Variants in GRM1 observed in about 807,000 individuals in gnomAD.
GRM1 encodes glutamate metabotropic receptor 1.
Under a neutral mutation model 90.9 loss-of-function variants are expected in GRM1, and 33 were observed. The ratio of observed to expected loss-of-function variants is 0.36; its 90% CI spans 0.28 to 0.49. The LOEUF is 0.49. Among genes scored for constraint, GRM1 ranks in the 20% least tolerant of loss-of-function variants. GRM1 has a pLI of 0.99. For missense variants in GRM1, 1,190 were observed against 1,534.3 expected (o/e 0.78, Z 3.75); for synonymous variants, 700 against 613.2 (o/e 1.14, Z -2.09).
intron 1 of GRM1, among the ~76,000 whole-genome samples, chr6:146,061,384 C>A (rs562305850): frequency 2.6e-5 from 4 of 152,082 alleles, no homozygotes; most frequent in Non-Finnish European, 5.9e-5. Flanking sequence ...TCTGTGTTTG[C>A]ACATTGATTT....
intron 1 of GRM1, among the ~76,000 whole-genome samples, chr6:146,046,795 C>T (rs1225655947): frequency 6.6e-6 from 1 of 151,844 alleles, no homozygotes; most frequent in Non-Finnish European, 1.5e-5. Context: ...TATGGGTACC[C>T]TGCAGTTCTT....
intron 2 of GRM1, among the ~76,000 whole-genome samples, chr6:146,300,464 T>G (rs1387416796): frequency 1.3e-5 from 2 of 152,346 alleles, no homozygotes; most frequent in East Asian, 1.9e-4. Context: ...ATGTGAAATT[T>G]TATAGGTTGA....
chr6:146,165,373 G>T (rs1036547711), intron 2 of GRM1, among the ~76,000 whole-genome samples: 1 of 151,930 alleles, frequency 6.6e-6, no homozygotes, highest in East Asian at 1.9e-4. Context: ...TAAAATATGA[G>T]TTATTTTAGT....
intron 4 of GRM1, among the ~76,000 whole-genome samples, 199 bp from the exon 5 acceptor site, chr6:146,357,327 A>G (rs1785622653): frequency 6.6e-6 from 1 of 152,256 alleles, no homozygotes; most frequent in African/African-American, 2.4e-5. Flanking sequence ...AATATGGATG[A>G]TACACAGAGA....
chr6:146,185,718 C>T (rs941055508), intron 2 of GRM1, among the ~76,000 whole-genome samples: 1 of 152,130 alleles, frequency 6.6e-6, no homozygotes, highest in African/African-American at 2.4e-5. Context: ...TTCCAATCAG[C>T]GTTTGATGCT....
At chr6:146,302,068 T>G (rs1783405422) in intron 2 of GRM1, among the ~76,000 whole-genome samples, 1 of 151,852 alleles carries the variant, frequency 6.6e-6, no homozygotes, top group East Asian at 1.9e-4. Flanking sequence ...ATGCCATACT[T>G]CTTTCTATTC....
At chr6:146,036,040 A>G (rs980911166) in intron 1 of GRM1, among the ~76,000 whole-genome samples, 3 of 151,916 alleles carry the variant, frequency 2.0e-5, no homozygotes, top group African/African-American at 7.2e-5. Context: ...CTTCCATTTT[A>G]TGTTTCTACC....
chr6:146,161,006 A>C (rs1382818794), intron 2 of GRM1, among the ~76,000 whole-genome samples: 13 of 152,132 alleles, frequency 8.5e-5, no homozygotes, highest in Non-Finnish European at 1.3e-4. Flanking sequence ...TTAAATAAGA[A>C]ATGTTATTTC....
chr6:146,054,889 C>T (rs1775424344), intron 1 of GRM1, among the ~76,000 whole-genome samples: 1 of 151,800 alleles, frequency 6.6e-6, no homozygotes, highest in Non-Finnish European at 1.5e-5. Context: ...CGACAGTTGT[C>T]TCTCTTATCT....
At chr6:146,235,206 CTT>C (rs1191764347) in intron 2 of GRM1, among the ~76,000 whole-genome samples, 1 of 152,134 alleles carries the variant, frequency 6.6e-6, no homozygotes, top group Non-Finnish European at 1.5e-5. Context: ...AAAATTCTCA[CTT>C]GACCATTTTT....
At chr6:146,334,971 C>T (rs1784718496) in intron 3 of GRM1, among the ~76,000 whole-genome samples, 1 of 151,950 alleles carries the variant, frequency 6.6e-6, no homozygotes, top group African/African-American at 2.4e-5. Flanking sequence ...TGGATTTTTT[C>T]CCTTTGAAAT....
chr6:146,235,584 TTG>T (rs1182667909), intron 2 of GRM1, among the ~76,000 whole-genome samples: 5 of 152,152 alleles, frequency 3.3e-5, no homozygotes, highest in Admixed American at 3.3e-4. Flanking sequence ...TTTTTCTTCC[TTG>T]TGTTCAGTTT....
chr6:146,239,980 G>T (rs1251505624), intron 2 of GRM1, among the ~76,000 whole-genome samples: 1 of 152,120 alleles, frequency 6.6e-6, no homozygotes, highest in Admixed American at 6.6e-5. Context: ...ATCAAGTGCT[G>T]TCTGACTGTA....
chr6:146,115,453 A>G (rs200151894), intron 1 of GRM1, among the ~76,000 whole-genome samples: 1 of 152,244 alleles, frequency 6.6e-6, no homozygotes. Context: ...ATGCACTACC[A>G]TTCTTTATTC....
intron 7 of GRM1, among the ~76,000 whole-genome samples, chr6:146,426,138 AT>A (rs1312772357): frequency 3.3e-5 from 5 of 152,350 alleles, no homozygotes; most frequent in African/African-American, 1.2e-4. Flanking sequence ...ATGCAGGAAA[AT>A]TAACAGTGCA....
At chr6:146,096,269 C>T (rs1704373305) in intron 1 of GRM1, among the ~76,000 whole-genome samples, 1 of 152,120 alleles carries the variant, frequency 6.6e-6, no homozygotes, top group African/African-American at 2.4e-5. Flanking sequence ...ATGCTATCAC[C>T]ATTCTTCTTA....
chr6:146,248,155 C>T (rs575725906), intron 2 of GRM1, among the ~76,000 whole-genome samples: 8 of 152,084 alleles, frequency 5.3e-5, no homozygotes, highest in Admixed American at 4.6e-4. Flanking sequence ...TCCTTTTCTT[C>T]TTTCGTTCCT....
intron 2 of GRM1, among the ~76,000 whole-genome samples, chr6:146,199,876 G>C (rs1255378467): frequency 5.9e-5 from 9 of 152,120 alleles, no homozygotes; most frequent in Non-Finnish European, 1.3e-4. Flanking sequence ...AATTAGCTGG[G>C]CATGGTGGCA....
chr6:146,263,658 C>T (rs1393908368), intron 2 of GRM1, among the ~76,000 whole-genome samples: 1 of 152,024 alleles, frequency 6.6e-6, no homozygotes, highest in East Asian at 1.9e-4. Flanking sequence ...AATGCCAGCA[C>T]TGCAACATTT....
Sources: gnomAD v4.1 joint callset for allele counts (sites outside exome capture counted in the v4.1 genomes callset) on GRCh38, gnomAD v4.1.1 for gene constraint, MANE v1.5 for transcripts, NCBI Gene and HGNC (gene_info 2026-07-23, HGNC 2026-07-21) for gene names.